The following NEBL variants were observed in gnomAD, a reference collection of about 807,000 sequenced individuals.
NEBL encodes nebulette.
NEBL carries 122 observed loss-of-function variants against 140.2 expected under a neutral mutation model. That is an observed-to-expected ratio of 0.87 (90% confidence interval 0.75 to 1.01). The LOEUF is 1.01. Ranked by LOEUF, NEBL falls within the 50% of genes least tolerant of loss-of-function variation. NEBL has a pLI of 0.00. For synonymous variants in NEBL, 436 were observed against 398.9 expected (o/e 1.09, Z -1.11); for missense variants, 1,365 against 1,231.3 (o/e 1.11, Z -1.62).
intron 2 of NEBL, among the ~76,000 whole-genome samples, chr10:21,106,620 G>A (rs532092443): frequency 7.9e-5 from 12 of 152,148 alleles, no homozygotes; most frequent in South Asian, 4.1e-4. Flanking sequence ...CAGGTAGCAC[G>A]ATGCCTCCCA....
At chr10:21,181,404 TA>T (rs938748875) in intron 3 of NEBL, among the ~76,000 whole-genome samples, 2 of 150,042 alleles carry the variant, frequency 1.3e-5, no homozygotes, top group East Asian at 1.9e-4. Flanking sequence ...GTAAACTGGT[TA>T]AAAAAAACAG....
intron 14 of NEBL, among the ~76,000 whole-genome samples, chr10:20,832,355 G>A (rs911660002): frequency 6.6e-6 from 1 of 152,026 alleles, no homozygotes; most frequent in African/African-American, 2.4e-5. Flanking sequence ...CTCATTATTT[G>A]AGTCCTAGAT....
Position 21,259,632 on chromosome 10 carries a change from C to T in NEBL, n.183-7804G>A, listed in dbSNP as rs74922092. 5.2e-3 allele frequency among the ~76,000 whole-genome samples: 794 copies of T among 152,250 alleles called. 7 individuals carry two copies. Among genetic ancestry groups the T allele is most frequent in the African/African-American group, 0.018 (752 of 41,556 alleles). Reference sequence around the variant, plus strand: ...ACCTCAACTTTCCTTTGAGGGAACACCAGTCTTCCTGGTGGCAAAGCCTTG... The same window carrying T: ...ACCTCAACTTTCCTTTGAGGGAACATCAGTCTTCCTGGTGGCAAAGCCTTG... On this transcript the variant is annotated intron_variant and non_coding_transcript_variant, in intron 1 of 8. Transcript: ENST00000675702.
At chr10:20,883,183 T>C (rs1057161765) in intron 4 of NEBL, among the ~76,000 whole-genome samples, 2 of 152,190 alleles carry the variant, frequency 1.3e-5, no homozygotes, top group Non-Finnish European at 2.9e-5. Context: ...TAAACATTAT[T>C]AACACATCCA....
rs1382676965 is a variant in NEBL at position 21,173,754 on chromosome 10, C to G, written c.69+11G>C. On this transcript the variant is annotated intron_variant, in intron 1 of 6. Transcript: ENST00000417816. This position sits in a 1 kb window ranked among gnomAD's most constrained non-coding sequence, Gnocchi z 5.7. ...GGCAGGTCCAGGCTGGCCCGGCGCC[C>G]CCTCGCTCACCTTATCCAGGCAGTT... 2 of 1,612,888 alleles carry G rather than the reference C, an allele frequency of 1.2e-6. No individual in the cohort carries two copies. Among genetic ancestry groups the G allele is most frequent in the Non-Finnish European group, 8.5e-7 (1 of 1,179,854 alleles).
intron 2 of NEBL, chr10:21,146,418 C>A (rs140530772): frequency 3.3e-4 from 530 of 1,613,624 alleles, no homozygotes; most frequent in Non-Finnish European, 4.2e-4. Context: ...CAAACACTCT[C>A]TCTCATATAA....
chr10:20,832,150 G>A (rs1035801509), intron 14 of NEBL, among the ~76,000 whole-genome samples: 1 of 152,132 alleles, frequency 6.6e-6, no homozygotes, highest in Non-Finnish European at 1.5e-5. Context: ...ACAAGTCAAT[G>A]TTCCCCACTC....
chr10:20,944,888 C>A (rs1383664056), intron 4 of NEBL, among the ~76,000 whole-genome samples: 5 of 152,126 alleles, frequency 3.3e-5, no homozygotes, highest in Non-Finnish European at 5.9e-5. Flanking sequence ...CCCGGCTCAA[C>A]AGTCAGACAT....
At chr10:21,243,724 T>G (rs770807064) in intron 3 of NEBL, among the ~76,000 whole-genome samples, 1 of 152,146 alleles carries the variant, frequency 6.6e-6, no homozygotes, top group Non-Finnish European at 1.5e-5. Flanking sequence ...GGATTGAACA[T>G]TTGCAAATTT....
chr10:20,845,869 T>C (rs1222262354), intron 11 of NEBL, among the ~76,000 whole-genome samples: 1 of 152,328 alleles, frequency 6.6e-6, no homozygotes. Flanking sequence ...GCCTGAGGGT[T>C]AGGGAGGGGG....
chr10:20,797,913 C>A (rs1008959646), intron 26 of NEBL, among the ~76,000 whole-genome samples: 2 of 151,838 alleles, frequency 1.3e-5, no homozygotes, highest in Non-Finnish European at 2.9e-5. Flanking sequence ...CCAGCCTGGG[C>A]AACAGAGCAA....
intron 2 of NEBL, among the ~76,000 whole-genome samples, chr10:21,035,585 T>C (rs1833982138): frequency 6.6e-6 from 1 of 152,232 alleles, no homozygotes; most frequent in Admixed American, 6.5e-5. Context: ...TAGGTCATTA[T>C]ACTTCTGCTG....
At chr10:21,010,767 G>A (rs990719383) in intron 3 of NEBL, among the ~76,000 whole-genome samples, 2 of 152,198 alleles carry the variant, frequency 1.3e-5, no homozygotes, top group Admixed American at 6.5e-5. Context: ...TTTGAACGTA[G>A]GTTACTGAAG....
intron 4 of NEBL, among the ~76,000 whole-genome samples, chr10:20,943,773 G>C (rs760614412): frequency 6.6e-6 from 1 of 152,126 alleles, no homozygotes; most frequent in African/African-American, 2.4e-5. Context: ...AAACTATTCA[G>C]TTACTAGGAT....
chr10:21,038,375 T>C (rs1834103822), intron 2 of NEBL, among the ~76,000 whole-genome samples: 1 of 152,156 alleles, frequency 6.6e-6, no homozygotes, highest in East Asian at 1.9e-4. Flanking sequence ...TGCCAGCCCC[T>C]GGCAGGCCTC....
chr10:20,908,360 G>T (rs991847113), intron 4 of NEBL, among the ~76,000 whole-genome samples: 8 of 152,144 alleles, frequency 5.3e-5, no homozygotes, highest in Admixed American at 3.9e-4. Flanking sequence ...AACTTCAAAG[G>T]AATTGTCATT....
intron 2 of NEBL, among the ~76,000 whole-genome samples, chr10:21,054,574 T>A (rs865995989): frequency 1.3e-3 from 202 of 152,332 alleles, no homozygotes; most frequent in African/African-American, 4.5e-3. Flanking sequence ...GAGATTTAAA[T>A]AAGTTTTTCT....
intron 4 of NEBL, among the ~76,000 whole-genome samples, chr10:20,929,495 A>G (rs959362439): frequency 1.3e-5 from 2 of 152,220 alleles, no homozygotes; most frequent in Non-Finnish European, 2.9e-5. Flanking sequence ...GTTCATGCCT[A>G]TGCATATTTC....
chr10:21,000,250 C>T (rs1321411480), intron 3 of NEBL, among the ~76,000 whole-genome samples: 1 of 151,476 alleles, frequency 6.6e-6, no homozygotes, highest in African/African-American at 2.4e-5. Context: ...GAGGGAGCTG[C>T]AGCTACCACA....
Sources: allele counts gnomAD v4.1 joint callset (sites outside exome capture counted in the v4.1 genomes callset), GRCh38; gene constraint gnomAD v4.1.1; non-coding constraint Gnocchi (gnomAD v3.1); transcripts MANE v1.5; gene names NCBI Gene and HGNC (gene_info 2026-07-23, HGNC 2026-07-21).